CSNK1G3: variants seen among roughly 807,000 people sequenced by gnomAD.
CSNK1G3 encodes the protein casein kinase 1 gamma 3, also known as casein kinase I isoform gamma-3.
Under a neutral mutation model 64.3 loss-of-function variants are expected in CSNK1G3, and 23 were observed. The ratio of observed to expected loss-of-function variants is 0.36; its 90% CI spans 0.26 to 0.51. The LOEUF (loss-of-function observed/expected upper bound fraction) is 0.51. CSNK1G3 is among the 20% of genes least tolerant of loss of function. The pLI is 0.96. For missense variants in CSNK1G3, 357 were observed against 510.5 expected, an observed-to-expected ratio of 0.70 and a Z score of 2.90; for synonymous variants, 158 against 162.2, an observed-to-expected ratio of 0.97 and a Z score of 0.20.
At chr5:123,556,048 C>T (rs915041032) in intron 3 of CSNK1G3, among the ~76,000 whole-genome samples, 2 of 152,040 alleles carry the variant, frequency 1.3e-5, no homozygotes, top group African/African-American at 4.8e-5. Flanking sequence ...TGCTGAAAGT[C>T]ACACAGCTAG....
At chr5:123,591,982 A>C (rs1305994218) in intron 10 of CSNK1G3, among the ~76,000 whole-genome samples, 2 of 152,038 alleles carry the variant, frequency 1.3e-5, no homozygotes, top group African/African-American at 2.4e-5. Flanking sequence ...AATTTAGAGC[A>C]TACAGTAAGC....
At chr5:123,561,549 G>T (rs540240285) in intron 4 of CSNK1G3, among the ~76,000 whole-genome samples, 1 of 152,272 alleles carries the variant, frequency 6.6e-6, no homozygotes, top group Admixed American at 6.5e-5. Context: ...AAGGAACCAG[G>T]CTCCTAACCT....
chr5:123,592,046 A>T (rs958408353), intron 10 of CSNK1G3, among the ~76,000 whole-genome samples: 1 of 152,044 alleles, frequency 6.6e-6, no homozygotes, highest in African/African-American at 2.4e-5. Context: ...TACAATAAAT[A>T]CAGAAATAGC....
chr5:123,567,684 T>C (rs1016839911), intron 4 of CSNK1G3, among the ~76,000 whole-genome samples: 3 of 152,128 alleles, frequency 2.0e-5, no homozygotes, highest in African/African-American at 7.2e-5. Flanking sequence ...AAGTAAGTAA[T>C]AAAAGTTTGT....
At chr5:123,608,267 C>T (rs1210603903) in intron 12 of CSNK1G3, among the ~76,000 whole-genome samples, 1 of 152,128 alleles carries the variant, frequency 6.6e-6, no homozygotes, top group Non-Finnish European at 1.5e-5. Flanking sequence ...CTATAATGCA[C>T]ATTTTAGCAT....
At chr5:123,615,046 G>A (rs1749224699) in exon 13 of CSNK1G3, 1 of 152,648 alleles carries the variant, frequency 6.6e-6, no homozygotes, top group Non-Finnish European at 1.5e-5. Flanking sequence ...ATCTTAAGGA[G>A]TGTGGTAAAT....
chr5:123,569,671 G>C lies in CSNK1G3; in HGVS notation c.290-3722G>C, dbSNP rs114110584. ...TTTACAAAATTCAAATTGCTTGAAA[G>C]CTTTAATTTTATTATTGGTAATAAA... On this transcript the variant is annotated intron_variant, in intron 4 of 12. Coordinates refer to ENST00000345990, the Ensembl canonical transcript of CSNK1G3. Among the ~76,000 whole-genome samples, 611 of 152,238 alleles carry C rather than the reference G, an allele frequency of 4.0e-3. 2 individuals are homozygous for C. The highest frequency in any genetic ancestry group is 6.2e-3 in the Admixed American group (95 of 15,290).
At chr5:123,595,404 G>A (rs1393901511) in intron 10 of CSNK1G3, among the ~76,000 whole-genome samples, 3 of 151,920 alleles carry the variant, frequency 2.0e-5, no homozygotes, top group Non-Finnish European at 4.4e-5. Flanking sequence ...AAAAACAAAC[G>A]GTATTATGCT....
At chr5:123,536,190 A>G (rs185956047) in intron 1 of CSNK1G3, among the ~76,000 whole-genome samples, 2 of 152,138 alleles carry the variant, frequency 1.3e-5, no homozygotes, top group African/African-American at 2.4e-5. Context: ...GAGCATACAC[A>G]TCAAATGAAA....
intron 2 of CSNK1G3, among the ~76,000 whole-genome samples, chr5:123,552,294 C>T (rs974471568): frequency 7.9e-5 from 12 of 151,800 alleles, no homozygotes; most frequent in African/African-American, 2.4e-4. Context: ...TACAGGCGTG[C>T]GCCACCATGC....
At chr5:123,559,052 C>G (rs1344630333) in intron 4 of CSNK1G3, among the ~76,000 whole-genome samples, 3 of 152,160 alleles carry the variant, frequency 2.0e-5, no homozygotes, top group African/African-American at 7.2e-5. Flanking sequence ...GAAAGCATCT[C>G]TTTCCTAAAA....
At position 123,567,860 on chromosome 5, in the gene CSNK1G3, G is replaced by A. The variant is rs949844582; in HGVS notation, c.290-5533G>A. On this transcript the variant is annotated intron_variant, in intron 4 of 12. Coordinates refer to ENST00000345990, the Ensembl canonical transcript of CSNK1G3. ...TATTAATCAAAATAGGAACCATTACGGTCAACACATTTTTGCCAATAAGAA... is the reference window on the plus strand; with the variant it reads ...TATTAATCAAAATAGGAACCATTACAGTCAACACATTTTTGCCAATAAGAA... Among the ~76,000 whole-genome samples the A allele has an allele frequency of 2.2e-4, 33 of 152,212 alleles. No homozygotes were observed. In the East Asian group the frequency reaches 2.9e-3, roughly 13 times the overall value.
At chr5:123,566,432 C>G (rs1252578901) in intron 4 of CSNK1G3, among the ~76,000 whole-genome samples, 2 of 152,138 alleles carry the variant, frequency 1.3e-5, no homozygotes, top group Non-Finnish European at 2.9e-5. Context: ...TTTAGAACCA[C>G]TGGAATGGGT....
intron 1 of CSNK1G3, among the ~76,000 whole-genome samples, chr5:123,533,468 T>C (rs1780282085): frequency 2.0e-5 from 3 of 151,792 alleles, no homozygotes; most frequent in Admixed American, 2.0e-4. Flanking sequence ...CTGAGGTCCC[T>C]TTTGGCCCCA....
At chr5:123,542,392 T>G (rs553948795) in intron 1 of CSNK1G3, among the ~76,000 whole-genome samples, 1 of 152,310 alleles carries the variant, frequency 6.6e-6, no homozygotes, top group South Asian at 2.1e-4. Context: ...AATAGTAATT[T>G]ATCTTTAAAG....
chr5:123,528,916 T>A (rs1340025728), intron 1 of CSNK1G3, among the ~76,000 whole-genome samples: 1 of 152,214 alleles, frequency 6.6e-6, no homozygotes, highest in Non-Finnish European at 1.5e-5. Context: ...GCAAAAATTT[T>A]GAGTCACCCA....
chr5:123,599,365 A>T (rs976228845), intron 10 of CSNK1G3, among the ~76,000 whole-genome samples: 2 of 152,208 alleles, frequency 1.3e-5, no homozygotes, highest in Non-Finnish European at 2.9e-5. Flanking sequence ...AATGGTGCAG[A>T]TATGTTGTGC....
At chr5:123,583,931 A>G (rs1039815950) in intron 6 of CSNK1G3, among the ~76,000 whole-genome samples, 3 of 151,934 alleles carry the variant, frequency 2.0e-5, no homozygotes, top group Non-Finnish European at 4.4e-5. Flanking sequence ...GTCTCAGGCT[A>G]TCCACCTGGC....
At chr5:123,605,926 A>G (rs570947075) in intron 12 of CSNK1G3, among the ~76,000 whole-genome samples, 2 of 152,236 alleles carry the variant, frequency 1.3e-5, no homozygotes, top group South Asian at 2.1e-4. Flanking sequence ...ATTAATAGAA[A>G]TAATTTTAGA....
Sources: gnomAD v4.1 joint callset for allele counts (sites outside exome capture counted in the v4.1 genomes callset) on GRCh38, gnomAD v4.1.1 for gene constraint, MANE v1.5 for transcripts, NCBI Gene and HGNC (gene_info 2026-07-23, HGNC 2026-07-21) for gene names.